Variants in ZNF608 observed in about 807,000 individuals in gnomAD.
ZNF608 encodes zinc finger protein 608, also known as renal carcinoma antigen NY-REN-36.
In ZNF608, 12 loss-of-function variants were observed where a neutral mutation model predicts 109.0. The ratio of observed to expected loss-of-function variants is 0.11; its 90% CI spans 0.07 to 0.18. The LOEUF (loss-of-function observed/expected upper bound fraction) is 0.18. ZNF608 is among the 10% of genes least tolerant of loss of function. The probability of loss-of-function intolerance (pLI) is 1.00; values close to 1 mark genes in which losing one functional copy is unlikely to be tolerated. For missense variants in ZNF608, 1,707 were observed against 1,879.3 expected (o/e 0.91, Z 1.70); for synonymous variants, 732 against 717.4 (o/e 1.02, Z -0.33).
At chr5:124,737,790 A>C (rs1749216921) in intron 2 of ZNF608, among the ~76,000 whole-genome samples, 1 of 152,232 alleles carries the variant, frequency 6.6e-6, no homozygotes, top group Non-Finnish European at 1.5e-5. Flanking sequence ...CTCTCAAAAT[A>C]ACATTACAAA....
At chr5:124,687,102 TA>T (rs1357758174) in intron 3 of ZNF608, among the ~76,000 whole-genome samples, 1 of 152,228 alleles carries the variant, frequency 6.6e-6, no homozygotes, top group Non-Finnish European at 1.5e-5. Context: ...GCATATTTTT[TA>T]AATAGCTAGT....
At chr5:124,656,748 A>T (rs1580556381) in intron 3 of ZNF608, among the ~76,000 whole-genome samples, 5 of 72,484 alleles carry the variant, frequency 6.9e-5, no homozygotes, top group Middle Eastern at 0.011. Context: ...ATCCTTTTTT[A>T]AAAAAAAAAT....
intron 3 of ZNF608, among the ~76,000 whole-genome samples, chr5:124,694,142 ATTT>A (rs11320730): frequency 4.7e-5 from 3 of 63,938 alleles, no homozygotes; most frequent in African/African-American, 1.1e-4. Context: ...CGCTCGGCTA[ATTT>A]TTTTTTTTTT....
chr5:124,668,683 G>A (rs772637917), intron 3 of ZNF608, among the ~76,000 whole-genome samples: 1 of 152,182 alleles, frequency 6.6e-6, no homozygotes, highest in Non-Finnish European at 1.5e-5. Flanking sequence ...TGAGCATAAT[G>A]TTCCTTTAAC....
intron 2 of ZNF608, among the ~76,000 whole-genome samples, chr5:124,738,955 CA>C (rs1253442899): frequency 2.6e-5 from 4 of 152,190 alleles, no homozygotes; most frequent in Non-Finnish European, 5.9e-5. Flanking sequence ...TTTAAGAATG[CA>C]AAGAACTAGG....
chr5:124,725,232 C>G (rs1226279350), intron 2 of ZNF608, among the ~76,000 whole-genome samples: 1 of 151,810 alleles, frequency 6.6e-6, no homozygotes, highest in Non-Finnish European at 1.5e-5. Context: ...CTCTTTCTAC[C>G]ACCTTCTCCT....
intron 3 of ZNF608, among the ~76,000 whole-genome samples, chr5:124,668,473 A>G (rs1210295549): frequency 6.6e-6 from 1 of 151,958 alleles, no homozygotes; most frequent in Non-Finnish European, 1.5e-5. Context: ...CTCCTTATCA[A>G]GAAGGAAACT....
rs2149909319 is a variant in ZNF608 at position 124,744,662 on chromosome 5, T to C, written c.328A>G (p.Lys110Glu). 6.2e-7 allele frequency: 1 copy of C among 1,614,214 alleles called. No individual in the cohort carries two copies. The highest frequency in any genetic ancestry group is 2.2e-5 in the East Asian group (1 of 44,878). The change falls in exon 2 of 10, where the codon AAA becomes GAA. Residue 110 changes from lysine to glutamate, a missense_variant. Around this residue, in one of 7 missense-constraint regions of ZNF608, gnomAD observed 407 missense variants for 398.7 expected, o/e 1.02. Transcript: ENST00000513986. This position sits in a 1 kb window ranked among gnomAD's most constrained non-coding sequence, Gnocchi z 4.5. ...ETSKSKVKRSKTSKDANKSLP... is the reference protein window; with the variant it reads ...ETSKSKVKRSETSKDANKSLP... ...GATTTATTAGCATCCTTAGAAGTTT[T>C]ACTCCTTTTCACTTTTGATTTGCTG...
chr5:124,649,747 T>C, intron 3 of ZNF608, 50 bp from the exon 4 acceptor site: 1 of 1,169,418 alleles, frequency 8.6e-7, no homozygotes, highest in Non-Finnish European at 1.2e-6. Context: ...CTGATTACTG[T>C]TATTTCCAGT....
chr5:124,722,651 C>G (rs901882406), intron 2 of ZNF608, among the ~76,000 whole-genome samples: 12 of 151,502 alleles, frequency 7.9e-5, no homozygotes, highest in Non-Finnish European at 1.5e-4. Context: ...TTCCTAACAT[C>G]TCCCTTTTGA....
intron 2 of ZNF608, among the ~76,000 whole-genome samples, chr5:124,714,333 C>G (rs1753612281): frequency 6.6e-6 from 1 of 152,128 alleles, no homozygotes; most frequent in African/African-American, 2.4e-5. Context: ...AGAAATGAAA[C>G]AAGCCCTCCT....
At chr5:124,721,993 AAGTGGGACC>A (rs1753943119) in intron 2 of ZNF608, among the ~76,000 whole-genome samples, 1 of 148,750 alleles carries the variant, frequency 6.7e-6, no homozygotes, top group South Asian at 2.1e-4. Flanking sequence ...CCAAATCATC[AAGTGGGACC>A]AGTCCCCCAA....
Position 124,744,386 on chromosome 5 carries a change from T to C in ZNF608, c.604A>G (p.Lys202Glu). 6.2e-7 allele frequency: 1 copy of C among 1,614,252 alleles called. No individual in the cohort carries two copies. Among genetic ancestry groups the C allele is most frequent in the Non-Finnish European group, 8.5e-7 (1 of 1,180,038 alleles). Residue 202 changes from lysine (K) to glutamate (E), a missense_variant, in exon 2 of 10, where the codon AAG becomes GAG. Transcript: ENST00000513986. This position sits in a 1 kb window ranked among gnomAD's most constrained non-coding sequence, Gnocchi z 4.5. The part of the protein sequence containing the change: ...PGKSQSSRGA[K>E]RDKDAGKSRK... ...GATTTCCCCGCATCCTTATCCCGCTTGGCGCCTCGGCTGCTCTGGCTTTTA... is the reference window on the plus strand; with the variant it reads ...GATTTCCCCGCATCCTTATCCCGCTCGGCGCCTCGGCTGCTCTGGCTTTTA...
intron 3 of ZNF608, among the ~76,000 whole-genome samples, chr5:124,679,572 T>C (rs997115637): frequency 1.3e-5 from 2 of 152,134 alleles, no homozygotes; most frequent in African/African-American, 4.8e-5. Flanking sequence ...GAGTAAGATA[T>C]CAATGTGATA....
At chr5:124,660,372 A>AACCT (rs1309045002) in intron 3 of ZNF608, among the ~76,000 whole-genome samples, 1 of 152,192 alleles carries the variant, frequency 6.6e-6, no homozygotes, top group Non-Finnish European at 1.5e-5. Context: ...GTTGTTGGTG[A>AACCT]ACCTCCCTGT....
chr5:124,742,150 T>C (rs1285254098), intron 2 of ZNF608, among the ~76,000 whole-genome samples: 1 of 152,208 alleles, frequency 6.6e-6, no homozygotes, highest in Non-Finnish European at 1.5e-5. Context: ...ATTTAATTCT[T>C]CCATTCTTCA....
At chr5:124,720,225 C>T (rs4623140) in intron 2 of ZNF608, among the ~76,000 whole-genome samples, 8 of 151,952 alleles carry the variant, frequency 5.3e-5, no homozygotes, top group African/African-American at 1.5e-4. Context: ...TGGGGGCAAG[C>T]GGGGTGTCTC....
intron 3 of ZNF608, among the ~76,000 whole-genome samples, chr5:124,659,994 C>T (rs1432928224): frequency 1.3e-5 from 2 of 152,194 alleles, no homozygotes; most frequent in African/African-American, 2.4e-5. Flanking sequence ...ACATTCCTAC[C>T]GCTCTGCTGG....
chr5:124,746,177 C>T lies in ZNF608; in HGVS notation c.-184+18G>A. 1 of 985,388 alleles carries T rather than the reference C, an allele frequency of 1.0e-6. No individual in the cohort carries two copies. The highest frequency in any genetic ancestry group is 1.2e-6 in the Non-Finnish European group (1 of 829,884). 61.0% of individuals were successfully genotyped at this position (985,388 alleles called of 1,614,324 possible). On this transcript the variant is annotated intron_variant, in intron 1 of 9. Coordinates refer to ENST00000513986, the MANE Select transcript of ZNF608 (RefSeq NM_020747.3). ...ATATACATACACACACACATACACA[C>T]ACACAGACATTGCTTACCTTTTAAT...
Sources: gnomAD v4.1 joint callset for allele counts (sites outside exome capture counted in the v4.1 genomes callset) on GRCh38, gnomAD v4.1.1 for gene constraint, gnomAD v4.1.1 regional missense constraint, Gnocchi (gnomAD v3.1) non-coding constraint, MANE v1.5 for transcripts, NCBI Gene and HGNC (gene_info 2026-07-23, HGNC 2026-07-21) for gene names.